Variants in DPYSL2 observed in about 807,000 individuals in gnomAD.
The protein encoded by DPYSL2 is dihydropyrimidinase-related protein 2.
A neutral mutation model predicts 69.9 loss-of-function variants in DPYSL2; 13 were observed. The ratio of observed to expected loss-of-function variants is 0.19; its 90% confidence interval spans 0.12 to 0.30. The LOEUF is 0.30. DPYSL2 is among the 10% of genes least tolerant of loss of function. DPYSL2 has a pLI of 1.00. For synonymous variants in DPYSL2, 326 were observed against 359.1 expected (o/e 0.91, Z 1.04); for missense variants, 587 against 918.9 (o/e 0.64, Z 4.67).
chr8:26,607,659 G>T lies in DPYSL2; in HGVS notation c.629-16484G>T, dbSNP rs573786135. ...TTGAAAATTACCTGGACATGGTTTT[G>T]TGTGCCTGTAGTCCCAGCTACTTAG... On this transcript the variant is annotated intron_variant, in intron 3 of 13. Transcript: ENST00000521913. Among the ~76,000 whole-genome samples, 258 of 151,922 alleles carry T rather than the reference G, an allele frequency of 1.7e-3. 1 individual carries two copies. The highest frequency in any genetic ancestry group is 5.6e-3 in the African/African-American group (230 of 41,410).
In DPYSL2 at chr8:26,641,143, C is replaced by T. The variant is rs886594495; in HGVS notation, c.1127-2296C>T. ...GTACTTAAGTTTCTAGAGGCAGGGC[C>T]GAGGAGCAGGCACAGGGAGAGGATG... On this transcript the variant is annotated intron_variant, in intron 8 of 13. Coordinates refer to ENST00000521913, the MANE Select transcript of DPYSL2 (RefSeq NM_001197293.3). The surrounding 1 kb of genome is among the most constrained non-coding windows in gnomAD (Gnocchi z 4.1). Among the ~76,000 whole-genome samples, 2 of 152,154 alleles carry T rather than the reference C, an allele frequency of 1.3e-5. No homozygotes were observed. Among genetic ancestry groups the T allele is most frequent in the South Asian group, 2.1e-4 (1 of 4,818 alleles).
At position 26,650,824 on chromosome 8, in the gene DPYSL2, G is replaced by A. The variant is rs1038082997; in HGVS notation, c.1597-1433G>A. ...TCCCCCAAGAATTGGAACTGGAAGTGGGTGCTTGTCCAGCCTTGTGGTCTG... is the reference window on the plus strand; with the variant it reads ...TCCCCCAAGAATTGGAACTGGAAGTAGGTGCTTGTCCAGCCTTGTGGTCTG... On this transcript the variant is annotated intron_variant, in intron 11 of 13. Coordinates refer to ENST00000521913, the MANE Select transcript of DPYSL2 (RefSeq NM_001197293.3). The surrounding 1 kb of genome is among the most constrained non-coding windows in gnomAD (Gnocchi z 5.3). Among the ~76,000 whole-genome samples, 1 of 152,202 alleles carries A rather than the reference G, an allele frequency of 6.6e-6. No individual in the cohort carries two copies. The highest frequency in any genetic ancestry group is 1.5e-5 in the Non-Finnish European group (1 of 68,042).
At chr8:26,567,165 C>T in intron 1 of DPYSL2, among the ~76,000 whole-genome samples, 1 of 151,448 alleles carries the variant, frequency 6.6e-6, no homozygotes, top group Non-Finnish European at 1.5e-5. Context: ...CCCATCCATC[C>T]ATCCATCCAT....
chr8:26,534,151 G>A (rs1800555561), intron 1 of DPYSL2, among the ~76,000 whole-genome samples: 1 of 152,210 alleles, frequency 6.6e-6, no homozygotes, highest in South Asian at 2.1e-4. Flanking sequence ...CAGACACCGT[G>A]CTAAGCCATT....
chr8:26,627,930 G>T lies in DPYSL2; in HGVS notation c.995G>T (p.Arg332Leu), dbSNP rs771070678. Residue 332 changes from arginine (R) to leucine (L), a missense_variant, in exon 7 of 14, where the codon CGA becomes CTA. Physicochemically the swap from Arg to Leu is moderately radical, Grantham distance 102. Transcript: ENST00000521913. The surrounding 1 kb of genome is among the most constrained non-coding windows in gnomAD (Gnocchi z 6.9). ...GGCCCCGAGGGACATGTGCTGAGCC[G>T]ACCTGAGGAGGTGAATGTTCACCAA... ...ITGPEGHVLS[R>L]PEEVEAEAVN... 6.2e-7 allele frequency: 1 copy of T among 1,613,638 alleles called. No homozygotes were observed. The highest frequency in any genetic ancestry group is 1.7e-5 in the Admixed American group (1 of 59,988).
chr8:26,598,466 A>G lies in DPYSL2; in HGVS notation c.628+14483A>G, dbSNP rs1248881491. On this transcript the variant is annotated intron_variant, in intron 3 of 13. Coordinates refer to ENST00000521913, the MANE Select transcript of DPYSL2 (RefSeq NM_001197293.3). This position sits in a 1 kb window ranked among gnomAD's most constrained non-coding sequence, Gnocchi z 4.2. ...CCTGCTCTATGAAAACGTATTTTCC[A>G]TGTTAAAAAAGGAAGATCCATGTTG... Among the ~76,000 whole-genome samples, 1 of 152,072 alleles carries G rather than the reference A, an allele frequency of 6.6e-6. No individual in the cohort carries two copies. Among genetic ancestry groups the G allele is most frequent in the Admixed American group, 6.6e-5 (1 of 15,254 alleles).
At chr8:26,607,100 A>C (rs533203391) in intron 3 of DPYSL2, among the ~76,000 whole-genome samples, 3 of 152,232 alleles carry the variant, frequency 2.0e-5, no homozygotes, top group Non-Finnish European at 2.9e-5. Flanking sequence ...ATTTATAATG[A>C]GGAAAACAGG....
At chr8:26,555,272 GA>G (rs1800927525) in intron 1 of DPYSL2, among the ~76,000 whole-genome samples, 2 of 150,624 alleles carry the variant, frequency 1.3e-5, no homozygotes, top group African/African-American at 4.9e-5. Context: ...AGCAAGAAAA[GA>G]AAAAAAAGGT....
rs1020222716 is a variant in DPYSL2, at chr8:26,627,740, TG to T, written c.937-129del. 6.9e-5 allele frequency: 60 copies of T among 868,936 alleles called. No individual in the cohort carries two copies. Among genetic ancestry groups the T allele is most frequent in the African/African-American group, 4.5e-4 (27 of 60,560 alleles). The allele number at this position is 868,936 out of a possible 1,614,324, so 53.8% of individuals were successfully genotyped here. ...GTGAACCCTTCTCTTCATGAGGTCT[TG>T]GGATGAGGGCAGAACGATCGGCAGT... On this transcript the variant is annotated intron_variant, in intron 6 of 13. Coordinates refer to ENST00000521913, the MANE Select transcript of DPYSL2 (RefSeq NM_001197293.3). This position sits in a 1 kb window ranked among gnomAD's most constrained non-coding sequence, Gnocchi z 6.9.
At chr8:26,634,636 A>G in intron 7 of DPYSL2, 144 bp from the exon 8 acceptor site, 2 of 1,384,268 alleles carry the variant, frequency 1.4e-6, no homozygotes, top group Non-Finnish European at 2.0e-6. Context: ...GGCAAGTCAT[A>G]CTCCTTTGAA....
chr8:26,646,227 A>G (rs550394306), intron 10 of DPYSL2, among the ~76,000 whole-genome samples: 2 of 150,802 alleles, frequency 1.3e-5, no homozygotes, highest in South Asian at 2.1e-4. Flanking sequence ...TTTAACTTGA[A>G]TGACATTTTT....
At chr8:26,638,871 C>A (rs1442337) in intron 8 of DPYSL2, among the ~76,000 whole-genome samples, 13,037 of 152,222 alleles carry the variant, frequency 0.086, 675 homozygotes, top group South Asian at 0.15. Context: ...GTGGGGATTT[C>A]TTCTCTAGAA....
At chr8:26,632,446 A>C (rs1802800009) in intron 7 of DPYSL2, among the ~76,000 whole-genome samples, 1 of 152,212 alleles carries the variant, frequency 6.6e-6, no homozygotes, top group South Asian at 2.1e-4. Context: ...AACCCTTCAC[A>C]GGGACGGGCA....
intron 1 of DPYSL2, among the ~76,000 whole-genome samples, chr8:26,515,509 A>C (rs1046922183): frequency 6.6e-6 from 1 of 152,020 alleles, no homozygotes; most frequent in African/African-American, 2.4e-5. Context: ...AGAAGACTAA[A>C]CCCCCTTTTA....
intron 1 of DPYSL2, among the ~76,000 whole-genome samples, chr8:26,563,598 T>A (rs371551102): frequency 3.3e-5 from 5 of 152,212 alleles, no homozygotes; most frequent in African/African-American, 1.2e-4. Flanking sequence ...TACCTAAATG[T>A]CAGCTCCCCT....
intron 7 of DPYSL2, among the ~76,000 whole-genome samples, chr8:26,631,720 C>G (rs944363871): frequency 6.6e-6 from 1 of 152,088 alleles, no homozygotes; most frequent in Non-Finnish European, 1.5e-5. Context: ...CTCTTGTATG[C>G]CAGGCCCTGA....
In DPYSL2 at chr8:26,582,276, G is replaced by A. The variant is rs770338377; in HGVS notation, c.443+219G>A. On this transcript the variant is annotated intron_variant, in intron 2 of 13. Coordinates refer to ENST00000521913, the MANE Select transcript of DPYSL2 (RefSeq NM_001197293.3). This position sits in a 1 kb window ranked among gnomAD's most constrained non-coding sequence, Gnocchi z 4.1. ...AATTAATGTACACCCGTTGCATTAGGTATTATGTAATTTACTATTTTTAAC... is the reference window on the plus strand; with the variant it reads ...AATTAATGTACACCCGTTGCATTAGATATTATGTAATTTACTATTTTTAAC... Among the ~76,000 whole-genome samples, 69 of 152,162 alleles carry A rather than the reference G, an allele frequency of 4.5e-4. No homozygotes were observed. The highest frequency in any genetic ancestry group is 7.3e-4 in the Non-Finnish European group (50 of 68,030).
Position 26,640,666 on chromosome 8 carries a change from T to C in DPYSL2, c.1127-2773T>C, listed in dbSNP as rs1176748429. Among the ~76,000 whole-genome samples the C allele has an allele frequency of 6.6e-6, 1 of 152,116 alleles. No individual in the cohort carries two copies. Among genetic ancestry groups the C allele is most frequent in the Non-Finnish European group, 1.5e-5 (1 of 68,032 alleles). On this transcript the variant is annotated intron_variant, in intron 8 of 13. Transcript: ENST00000521913. This position sits in a 1 kb window ranked among gnomAD's most constrained non-coding sequence, Gnocchi z 4.2. ...CTGGAACATGATGGCTAAACTCCTG[T>C]CGCTGATTCTGGGCTAAGAAAGAAA...
Position 26,653,845 on chromosome 8 carries a change from C to T in DPYSL2, c.1942+448C>T, listed in dbSNP as rs1391155329. 2.0e-5 allele frequency among the ~76,000 whole-genome samples: 3 copies of T among 152,122 alleles called. No homozygotes were observed. The highest frequency in any genetic ancestry group is 6.5e-5 in the Admixed American group (1 of 15,276). On this transcript the variant is annotated intron_variant, in intron 13 of 13. Transcript: ENST00000521913. The surrounding 1 kb of genome is among the most constrained non-coding windows in gnomAD (Gnocchi z 5.7). The stretch of plus-strand genomic sequence containing the variant: ...TGCTGGGATTACAGGTGTGAGCCAC[C>T]GGGCCCAGCCTAGCTTGGCCTGGAG...
Sources: gnomAD v4.1 joint callset for allele counts (sites outside exome capture counted in the v4.1 genomes callset) on GRCh38, gnomAD v4.1.1 for gene constraint, Gnocchi (gnomAD v3.1) non-coding constraint, MANE v1.5 for transcripts, NCBI Gene and HGNC (gene_info 2026-07-23, HGNC 2026-07-21) for gene names.